Variants in NRXN1 observed in about 807,000 individuals in gnomAD.
The protein encoded by NRXN1 is neurexin-1.
Under a neutral mutation model 150.9 loss-of-function variants are expected in NRXN1, and 39 were observed. That is an observed-to-expected ratio of 0.26 (90% CI 0.20 to 0.34). The LOEUF is 0.34. Among genes scored for constraint, NRXN1 ranks in the 10% least tolerant of loss-of-function variants. NRXN1 has a pLI of 1.00. For missense variants in NRXN1, 1,815 were observed against 1,949.9 expected (o/e 0.93, Z 1.30); for synonymous variants, 924 against 757.0 (o/e 1.22, Z -3.62).
chr2:50,919,938 C>T, intron 5 of NRXN1: 1 of 313,294 alleles, frequency 3.2e-6, no homozygotes, highest in Non-Finnish European at 7.2e-6. Context: ...GTTATATGAA[C>T]ACTCTGTGGA....
chr2:50,033,133 C>T (rs1689436106), intron 21 of NRXN1, among the ~76,000 whole-genome samples: 1 of 151,716 alleles, frequency 6.6e-6, no homozygotes, highest in Admixed American at 6.6e-5. Flanking sequence ...CTATTGTGTT[C>T]ACCACTGTTT....
chr2:51,028,311 G>T lies in NRXN1; in HGVS notation c.-38C>A. 7.3e-7 allele frequency: 1 copy of T among 1,367,964 alleles called. No individual in the cohort carries two copies. Among genetic ancestry groups the T allele is most frequent in the Non-Finnish European group, 9.6e-7 (1 of 1,044,334 alleles). The allele number at this position is 1,367,964 out of a possible 1,614,324, so 84.7% of individuals were successfully genotyped here. On this transcript the variant is annotated 5_prime_UTR_variant, in exon 2 of 23. Coordinates refer to ENST00000401669, the MANE Select transcript of NRXN1 (RefSeq NM_001330078.2). ...GGTGCGGCGGGGGGGTGCCGGGGCCGACAGGGTCAAAATGGTCCTGGACAC... is the reference window on the plus strand; with the variant it reads ...GGTGCGGCGGGGGGGTGCCGGGGCCTACAGGGTCAAAATGGTCCTGGACAC...
At chr2:50,593,400 T>C (rs1047956894) in intron 8 of NRXN1, among the ~76,000 whole-genome samples, 1 of 152,216 alleles carries the variant, frequency 6.6e-6, no homozygotes, top group South Asian at 2.1e-4. Flanking sequence ...TTTACAAGCA[T>C]GTATATTTCT....
At chr2:50,508,969 G>T (rs895753063) in intron 12 of NRXN1, among the ~76,000 whole-genome samples, 1 of 152,190 alleles carries the variant, frequency 6.6e-6, no homozygotes, top group Non-Finnish European at 1.5e-5. Flanking sequence ...AAGAATTGCA[G>T]TTGCTAGATC....
intron 12 of NRXN1, among the ~76,000 whole-genome samples, chr2:50,514,285 T>C (rs550981500): frequency 6.6e-6 from 1 of 152,290 alleles, no homozygotes; most frequent in Admixed American, 6.5e-5. Context: ...GATTGTTCAA[T>C]ATATTTAGAC....
chr2:50,619,837 T>A, intron 8 of NRXN1, 185 bp downstream of exon 8: 1 of 460,974 alleles, frequency 2.2e-6, no homozygotes. Flanking sequence ...AGGAACCTAA[T>A]TCCTTCATAA....
intron 17 of NRXN1, among the ~76,000 whole-genome samples, chr2:50,251,475 G>A (rs935040530): frequency 3.9e-5 from 6 of 152,042 alleles, no homozygotes; most frequent in Non-Finnish European, 8.8e-5. Context: ...GTTGTGAATA[G>A]TGCTGCAATT....
chr2:50,758,999 G>C (rs1173248951), intron 5 of NRXN1, among the ~76,000 whole-genome samples: 2 of 151,934 alleles, frequency 1.3e-5, no homozygotes, highest in Non-Finnish European at 2.9e-5. Flanking sequence ...GTTTGTATTA[G>C]AGTTGTTTAT....
chr2:49,967,284 A>G (rs1677128471), intron 21 of NRXN1, among the ~76,000 whole-genome samples: 1 of 152,144 alleles, frequency 6.6e-6, no homozygotes, highest in Non-Finnish European at 1.5e-5. Flanking sequence ...TGACATTTCT[A>G]GAATCTCAAA....
intron 21 of NRXN1, among the ~76,000 whole-genome samples, chr2:50,048,526 G>T (rs1450331713): frequency 1.3e-5 from 2 of 152,102 alleles, no homozygotes; most frequent in African/African-American, 4.8e-5. Context: ...GGAAATGTGT[G>T]TGAATTCTGC....
chr2:50,820,562 G>C (rs1420263143), intron 5 of NRXN1, among the ~76,000 whole-genome samples: 1 of 152,088 alleles, frequency 6.6e-6, no homozygotes, highest in African/African-American at 2.4e-5. Context: ...AAACTAAAAA[G>C]CACAAAAAGA....
chr2:49,941,212 A>G (rs1671918522), intron 22 of NRXN1, among the ~76,000 whole-genome samples: 1 of 151,920 alleles, frequency 6.6e-6, no homozygotes, highest in Non-Finnish European at 1.5e-5. Flanking sequence ...ATTGTTTCAG[A>G]TAGTGATAGT....
chr2:50,618,715 A>G (rs1679449582), intron 8 of NRXN1, among the ~76,000 whole-genome samples: 1 of 151,396 alleles, frequency 6.6e-6, no homozygotes, highest in Admixed American at 6.6e-5. Flanking sequence ...GGATTCCTGT[A>G]AAGCTCTTAT....
intron 5 of NRXN1, among the ~76,000 whole-genome samples, chr2:50,810,126 C>T (rs556875111): frequency 6.6e-6 from 1 of 152,230 alleles, no homozygotes; most frequent in African/African-American, 2.4e-5. Flanking sequence ...AGTTTCCAAA[C>T]ATTCTAAAGC....
At chr2:50,900,143 G>A (rs1369318429) in intron 5 of NRXN1, among the ~76,000 whole-genome samples, 3 of 152,090 alleles carry the variant, frequency 2.0e-5, no homozygotes, top group Non-Finnish European at 2.9e-5. Flanking sequence ...ATCTCCCCAT[G>A]GCTACTCACA....
intron 17 of NRXN1, among the ~76,000 whole-genome samples, chr2:50,376,646 G>A (rs2080520859): frequency 6.6e-6 from 1 of 151,988 alleles, no homozygotes; most frequent in East Asian, 1.9e-4. Flanking sequence ...ATACTTGCAA[G>A]GGAAACATTA....
chr2:50,926,288 G>C (rs890434394), intron 2 of NRXN1, among the ~76,000 whole-genome samples: 4 of 151,836 alleles, frequency 2.6e-5, no homozygotes, highest in Non-Finnish European at 5.9e-5. Context: ...ATTTTTAAAA[G>C]CTTTTTTGTT....
At position 49,922,078 on chromosome 2, in the gene NRXN1, G is replaced by T; in HGVS notation, c.4390C>A (p.His1464Asn). ...ATGTAGTTTCGACTCTCGTCCACATGGTATGAGCCTTCATCCCGGTTTCTG... is the reference window on the plus strand; with the variant it reads ...ATGTAGTTTCGACTCTCGTCCACATTGTATGAGCCTTCATCCCGGTTTCTG... ...KYRNRDEGSY[H>N]VDESRNYISN... The change falls in exon 23 of 23, where the codon CAT (histidine) becomes AAT (asparagine). Residue 1464 changes from histidine to asparagine, a missense_variant. His to Asn is a moderately conservative substitution (Grantham distance 68, BLOSUM62 1). Coordinates refer to ENST00000401669, the MANE Select transcript of NRXN1 (RefSeq NM_001330078.2). 1 of 1,614,116 alleles carries T rather than the reference G, an allele frequency of 6.2e-7. No homozygotes were observed. The highest frequency in any genetic ancestry group is 8.5e-7 in the Non-Finnish European group (1 of 1,180,020).
intron 12 of NRXN1, among the ~76,000 whole-genome samples, chr2:50,507,395 G>T (rs773479998): frequency 6.9e-4 from 105 of 151,850 alleles, no homozygotes; most frequent in Non-Finnish European, 1.0e-3. Flanking sequence ...AATAGGCACA[G>T]CCAATAAAGG....
Sources: allele counts gnomAD v4.1 joint callset (sites outside exome capture counted in the v4.1 genomes callset), GRCh38; gene constraint gnomAD v4.1.1; transcripts MANE v1.5; gene names NCBI Gene and HGNC (gene_info 2026-07-23, HGNC 2026-07-21).